The following SLC39A6 variants were observed in gnomAD, a reference collection of about 807,000 sequenced individuals.
SLC39A6 encodes zinc transporter ZIP6.
A neutral mutation model predicts 63.5 loss-of-function variants in SLC39A6; 51 were observed. The observed-to-expected ratio is 0.80, with a 90% CI of 0.64 to 1.01. The LOEUF is 1.01. Among genes scored for constraint, SLC39A6 ranks in the 50% least tolerant of loss-of-function variants. SLC39A6 has a pLI of 0.00. For synonymous variants in SLC39A6, 318 were observed against 324.7 expected, an observed-to-expected ratio of 0.98 and a Z score of 0.22; for missense variants, 805 against 927.8, an observed-to-expected ratio of 0.87 and a Z score of 1.72.
chr18:36,121,289 T>G (rs2089391874), intron 5 of SLC39A6, among the ~76,000 whole-genome samples: 3 of 152,298 alleles, frequency 2.0e-5, no homozygotes, highest in Middle Eastern at 6.8e-3. Flanking sequence ...CCCAAGTAGC[T>G]GAGATTACAG....
intron 5 of SLC39A6, 54 bp from the exon 6 acceptor site, chr18:36,116,833 A>G: frequency 7.8e-7 from 1 of 1,289,316 alleles, no homozygotes; most frequent in African/African-American, 1.5e-5. Context: ...TTATATGTAC[A>G]GCTTTCAATC....
At position 36,127,025 on chromosome 18, in the gene SLC39A6, G is replaced by C. The variant is rs773850080; in HGVS notation, c.-9-9C>G. The C allele has an allele frequency of 6.4e-7, 1 of 1,560,528 alleles. No individual in the cohort carries two copies. The highest frequency in any genetic ancestry group is 8.6e-7 in the Non-Finnish European group (1 of 1,157,050). The stretch of plus-strand genomic sequence containing the variant: ...CTCGCCATTGCGCCTTCCTAGAAAA[G>C]ACAGGAAAAAAAAATTCTTGACTCA... On this transcript the variant is annotated splice_polypyrimidine_tract_variant and intron_variant, in intron 1 of 9. Transcript: ENST00000269187.
intron 4 of SLC39A6, 82 bp from the exon 5 acceptor site, chr18:36,122,352 T>C: frequency 9.9e-7 from 1 of 1,013,538 alleles, no homozygotes; most frequent in Non-Finnish European, 1.5e-6. Context: ...AGGTCAAAAT[T>C]GAAATCATTC....
intron 9 of SLC39A6, among the ~76,000 whole-genome samples, chr18:36,110,077 T>C (rs925970948): frequency 6.6e-6 from 1 of 152,232 alleles, no homozygotes; most frequent in African/African-American, 2.4e-5. Flanking sequence ...ATGTAGTTTG[T>C]CTTTAGTTCA....
intron 1 of SLC39A6, among the ~76,000 whole-genome samples, chr18:36,128,031 T>C (rs986875446): frequency 2.6e-5 from 4 of 151,870 alleles, no homozygotes; most frequent in Admixed American, 6.6e-5. Flanking sequence ...AAAAACTCAC[T>C]GTAGCATCCT....
intron 8 of SLC39A6, among the ~76,000 whole-genome samples, chr18:36,111,595 G>A (rs1402790084): frequency 6.8e-6 from 1 of 147,958 alleles, no homozygotes; most frequent in Non-Finnish European, 1.5e-5. Context: ...AGCCATTCCT[G>A]TGCCTCAGCC....
chr18:36,120,293 A>T (rs1395790743), intron 5 of SLC39A6, among the ~76,000 whole-genome samples: 1 of 152,178 alleles, frequency 6.6e-6, no homozygotes, highest in African/African-American at 2.4e-5. Context: ...AAACTATTCA[A>T]TAACATTAAG....
chr18:36,116,111 G>C (rs1486790172), intron 6 of SLC39A6, among the ~76,000 whole-genome samples: 1 of 152,204 alleles, frequency 6.6e-6, no homozygotes, highest in African/African-American at 2.4e-5. Flanking sequence ...GGTTGGGGGA[G>C]TGTTGGCATA....
chr18:36,119,297 C>G (rs542096494), intron 5 of SLC39A6, among the ~76,000 whole-genome samples: 2 of 152,176 alleles, frequency 1.3e-5, no homozygotes, highest in South Asian at 4.1e-4. Flanking sequence ...GTAACATTTG[C>G]AAAACTCCTA....
At chr18:36,127,764 A>AG (rs1555632649) in intron 1 of SLC39A6, among the ~76,000 whole-genome samples, 1 of 142,516 alleles carries the variant, frequency 7.0e-6, no homozygotes. Context: ...TGTATACTTA[A>AG]TTTTTTTTTT....
At chr18:36,110,037 T>C (rs534302074) in intron 9 of SLC39A6, among the ~76,000 whole-genome samples, 73 of 152,328 alleles carry the variant, frequency 4.8e-4, no homozygotes, top group Middle Eastern at 3.4e-3. Flanking sequence ...CTACTTCAGT[T>C]ACTGGCTGCA....
At chr18:36,123,099 T>C (rs1277979945) in intron 4 of SLC39A6, among the ~76,000 whole-genome samples, 1 of 152,218 alleles carries the variant, frequency 6.6e-6, no homozygotes, top group Non-Finnish European at 1.5e-5. Flanking sequence ...TTTAAATACA[T>C]ACATAAACAT....
chr18:36,109,804 A>C (rs1365479607), intron 9 of SLC39A6, 59 bp from the exon 10 acceptor site: 1 of 1,427,530 alleles, frequency 7.0e-7, no homozygotes, highest in East Asian at 2.3e-5. Flanking sequence ...ACTACAGATT[A>C]GTTTTTAGAA....
intron 5 of SLC39A6, among the ~76,000 whole-genome samples, chr18:36,117,630 C>T (rs2089357104): frequency 6.6e-6 from 1 of 152,190 alleles, no homozygotes; most frequent in Non-Finnish European, 1.5e-5. Context: ...TAACAGATTT[C>T]TTATTTGCAG....
intron 7 of SLC39A6, among the ~76,000 whole-genome samples, chr18:36,113,444 T>A (rs1202360590): frequency 6.6e-6 from 1 of 152,084 alleles, no homozygotes; most frequent in Non-Finnish European, 1.5e-5. Context: ...CAGCTCTGCA[T>A]AATATAGTAC....
At chr18:36,121,823 T>A (rs1394186827) in intron 5 of SLC39A6, among the ~76,000 whole-genome samples, 1 of 152,186 alleles carries the variant, frequency 6.6e-6, no homozygotes, top group Non-Finnish European at 1.5e-5. Flanking sequence ...GCTTTTCTTA[T>A]CCTGTCATGA....
intron 6 of SLC39A6, among the ~76,000 whole-genome samples, chr18:36,115,385 T>C (rs2144501368): frequency 6.7e-6 from 1 of 149,930 alleles, no homozygotes; most frequent in South Asian, 2.1e-4. Flanking sequence ...GAGCTTGCAG[T>C]GAGCTGGGAT....
At chr18:36,124,318 T>C (rs552732129) in intron 3 of SLC39A6, among the ~76,000 whole-genome samples, 4 of 152,298 alleles carry the variant, frequency 2.6e-5, no homozygotes, top group South Asian at 4.1e-4. Context: ...GAAGTCATAA[T>C]TGAAATTTTA....
In SLC39A6 at chr18:36,124,563, T is replaced by TGAAA; in HGVS notation, c.926_927insTTTC (p.Glu309AspfsTer6). The TGAAA allele has an allele frequency of 6.4e-7, 1 of 1,574,584 alleles. No homozygotes were observed. Among genetic ancestry groups the TGAAA allele is most frequent in the Non-Finnish European group, 8.7e-7 (1 of 1,149,150 alleles). ...TCTTTGGAGGGATTTCAGCCTTCTTTTCACTTGTATGAATCAGACAAGATC... is the reference window on the plus strand; with the variant it reads ...TCTTTGGAGGGATTTCAGCCTTCTTTGAAATCACTTGTATGAATCAGACAAGATC... On this transcript the variant is annotated frameshift_variant, in exon 3 of 10. Transcript: ENST00000269187. LOFTEE classifies it high-confidence loss of function.
Sources: allele counts gnomAD v4.1 joint callset (sites outside exome capture counted in the v4.1 genomes callset), GRCh38; gene constraint gnomAD v4.1.1; transcripts MANE v1.5; gene names NCBI Gene and HGNC (gene_info 2026-07-23, HGNC 2026-07-21).